The following PBLD variants were observed in gnomAD, a reference collection of about 807,000 sequenced individuals.
PBLD encodes phenazine biosynthesis like protein domain containing.
Under a neutral mutation model 31.3 loss-of-function variants are expected in PBLD, and 26 were observed. That is an observed-to-expected ratio of 0.83 (90% CI 0.61 to 1.15). PBLD has a LOEUF of 1.15. Ranked by LOEUF, PBLD falls within the 50% of genes most tolerant of loss-of-function variation. The pLI is 0.00. For synonymous variants in PBLD, 114 were observed against 129.0 expected (o/e 0.88, Z 0.79); for missense variants, 307 against 351.7 (o/e 0.87, Z 1.02).
At chr10:68,285,490 T>G in intron 8 of PBLD, 80 bp from the exon 9 acceptor site, 1 of 1,524,440 alleles carries the variant, frequency 6.6e-7, no homozygotes, top group Admixed American at 2.2e-5. Flanking sequence ...GCAATTACAA[T>G]CAATTATCCA....
chr10:68,332,081 G>C (rs999456580), intron 1 of PBLD: 1 of 152,408 alleles, frequency 6.6e-6, no homozygotes, highest in Non-Finnish European at 1.5e-5. Flanking sequence ...GTGCTGCGCA[G>C]CTCCCTAAGC....
At chr10:68,291,375 G>A (rs2044356575) in intron 6 of PBLD, among the ~76,000 whole-genome samples, 1 of 152,168 alleles carries the variant, frequency 6.6e-6, no homozygotes, top group Non-Finnish European at 1.5e-5. Context: ...CAGACCCCAT[G>A]AGGAGCCCAT....
chr10:68,284,527 C>T (rs2044263821), intron 9 of PBLD, among the ~76,000 whole-genome samples: 1 of 152,178 alleles, frequency 6.6e-6, no homozygotes, highest in Admixed American at 6.5e-5. Context: ...TGAGCCTTTT[C>T]CTGGGCCATC....
intron 1 of PBLD, among the ~76,000 whole-genome samples, chr10:68,331,016 G>A (rs539808296): frequency 1.3e-5 from 2 of 152,108 alleles, no homozygotes; most frequent in East Asian, 1.9e-4. Context: ...ATCTACTCCC[G>A]TGCGCTGCCA....
chr10:68,296,617 C>G (rs1433254570), intron 3 of PBLD, among the ~76,000 whole-genome samples: 1 of 152,218 alleles, frequency 6.6e-6, no homozygotes. Context: ...GCTCTATCTA[C>G]TATCTGCATG....
chr10:68,307,660 C>T (rs577497392), intron 1 of PBLD, among the ~76,000 whole-genome samples: 179 of 152,144 alleles, frequency 1.2e-3, no homozygotes, highest in African/African-American at 4.0e-3. Context: ...CCACTGCGCC[C>T]GGCTAATTTT....
chr10:68,331,397 G>A (rs1192369171), intron 1 of PBLD: 1 of 152,288 alleles, frequency 6.6e-6, no homozygotes, highest in Non-Finnish European at 1.5e-5. Flanking sequence ...TTTGCAGAGA[G>A]AACGGTAACG....
chr10:68,314,947 G>T (rs1485939505), intron 1 of PBLD, among the ~76,000 whole-genome samples: 1 of 152,016 alleles, frequency 6.6e-6, no homozygotes, highest in Non-Finnish European at 1.5e-5. Flanking sequence ...CCACCACCAT[G>T]CCCAGCTAGG....
At chr10:68,296,217 A>G (rs557127550) in intron 4 of PBLD, 49 bp downstream of exon 4, 129 of 1,428,804 alleles carry the variant, frequency 9.0e-5, no homozygotes, top group Admixed American at 1.3e-4. Flanking sequence ...ACTTAAAAAA[A>G]AAAAAGCCAT....
chr10:68,318,375 T>TA (rs34722771), intron 1 of PBLD, among the ~76,000 whole-genome samples: 34,729 of 51,180 alleles, frequency 0.68, 13,306 homozygotes, highest in Non-Finnish European at 0.78. Flanking sequence ...CTGCCTCTAT[T>TA]AAAAAAAAAA....
In PBLD at chr10:68,311,410, C is replaced by T. The variant is rs148591867; in HGVS notation, c.-59-4507G>A. On this transcript the variant is annotated intron_variant, in intron 1 of 9. Coordinates refer to ENST00000358769, the MANE Select transcript of PBLD (RefSeq NM_022129.4). ...GACCATCCTGACTAACACAGTGAAA[C>T]CCCATCTCTACTAAAAATACAAAAA... is the stretch of plus-strand genomic sequence containing the variant. 2.2e-3 allele frequency among the ~76,000 whole-genome samples: 328 copies of T among 152,184 alleles called. 1 individual carries two copies. Among genetic ancestry groups the T allele is most frequent in the African/African-American group, 7.6e-3 (314 of 41,536 alleles).
intron 2 of PBLD, among the ~76,000 whole-genome samples, chr10:68,304,663 C>A (rs1029033363): frequency 3.3e-5 from 5 of 152,164 alleles, no homozygotes; most frequent in Non-Finnish European, 7.3e-5. Context: ...GTAAGTTGGA[C>A]AATAATCCAA....
intron 1 of PBLD, among the ~76,000 whole-genome samples, chr10:68,330,336 G>GA (rs879432771): frequency 6.6e-6 from 1 of 152,122 alleles, no homozygotes. Context: ...TCTCATGGGA[G>GA]AAAAAATTAT....
At chr10:68,311,751 C>CAAAAA (rs987918906) in intron 1 of PBLD, among the ~76,000 whole-genome samples, 16 of 59,832 alleles carry the variant, frequency 2.7e-4, no homozygotes, top group Middle Eastern at 0.01. Flanking sequence ...GACCCTGCCT[C>CAAAAA]AAAAAAAAAA....
At chr10:68,327,268 A>T (rs1013394614) in intron 1 of PBLD, among the ~76,000 whole-genome samples, 8 of 152,212 alleles carry the variant, frequency 5.3e-5, no homozygotes, top group African/African-American at 1.7e-4. Flanking sequence ...ACTGCAGTGA[A>T]AATGAATGAC....
intron 4 of PBLD, among the ~76,000 whole-genome samples, chr10:68,294,031 T>C (rs2134440960): frequency 6.6e-6 from 1 of 152,302 alleles, no homozygotes; most frequent in South Asian, 2.1e-4. Context: ...GTAAACCCTA[T>C]TTTTCAAGAC....
At chr10:68,301,809 G>T (rs4363487) in intron 2 of PBLD, among the ~76,000 whole-genome samples, 1 of 152,044 alleles carries the variant, frequency 6.6e-6, no homozygotes, top group Non-Finnish European at 1.5e-5. Context: ...AGGACGCAAA[G>T]TCCACTGCCC....
intron 8 of PBLD, among the ~76,000 whole-genome samples, chr10:68,285,933 A>C (rs566972964): frequency 6.6e-6 from 1 of 152,092 alleles, no homozygotes; most frequent in African/African-American, 2.4e-5. Flanking sequence ...CACCTGCCTC[A>C]GCCTCCCAAA....
At chr10:68,296,800 C>A in intron 3 of PBLD, 86 bp downstream of exon 3, 3 of 1,174,540 alleles carry the variant, frequency 2.6e-6, no homozygotes, top group Non-Finnish European at 3.8e-6. Flanking sequence ...ACGCAGGAGG[C>A]GGAGGTTGCA....
Sources: allele counts gnomAD v4.1 joint callset (sites outside exome capture counted in the v4.1 genomes callset), GRCh38; gene constraint gnomAD v4.1.1; transcripts MANE v1.5; gene names NCBI Gene and HGNC (gene_info 2026-07-23, HGNC 2026-07-21).